Variants in PLB1 observed in about 807,000 individuals in gnomAD.
The protein encoded by PLB1 is phospholipase B1.
A neutral mutation model predicts 227.4 loss-of-function variants in PLB1; 242 were observed. That is an observed-to-expected ratio of 1.06 (90% confidence interval 0.96 to 1.18). The LOEUF (loss-of-function observed/expected upper bound fraction) is 1.18. Among genes scored for constraint, PLB1 ranks in the 50% most tolerant of loss-of-function variants. The probability of loss-of-function intolerance (pLI) is 0.00; values close to 1 mark genes in which losing one functional copy is unlikely to be tolerated. For synonymous variants in PLB1, 757 were observed against 682.2 expected (o/e 1.11, Z -1.71); for missense variants, 1,858 against 1,816.3 (o/e 1.02, Z -0.42).
At chr2:28,581,487 AAATAAATAAATAAATAAATAAAT>A (rs1385098147) in intron 23 of PLB1, among the ~76,000 whole-genome samples, 2 of 37,608 alleles carry the variant, frequency 5.3e-5, no homozygotes, top group Admixed American at 4.0e-4. Context: ...CCACGCAAAA[AAATAAATAAATAAATAAATAAAT>A]AAATAAATAA....
At chr2:28,638,633 C>T (rs993272541) in intron 56 of PLB1, among the ~76,000 whole-genome samples, 2 of 151,604 alleles carry the variant, frequency 1.3e-5, no homozygotes, top group Non-Finnish European at 1.5e-5. Flanking sequence ...GGAAGAGGAA[C>T]AAAGGATGAC....
At chr2:28,640,526 A>AAAT (rs536852987) in intron 56 of PLB1, among the ~76,000 whole-genome samples, 5 of 152,316 alleles carry the variant, frequency 3.3e-5, no homozygotes, top group East Asian at 3.9e-4. Context: ...AGAAGTTGGT[A>AAAT]AATAGGATTG....
chr2:28,603,094 C>A (rs925727114), intron 39 of PLB1, among the ~76,000 whole-genome samples, 173 bp downstream of exon 39: 3 of 152,248 alleles, frequency 2.0e-5, no homozygotes, highest in African/African-American at 7.2e-5. Flanking sequence ...CATGACTCCC[C>A]TGTTACCCAA....
intron 12 of PLB1, 97 bp from the exon 13 acceptor site, chr2:28,541,610 C>G (rs1273347209): frequency 5.8e-6 from 5 of 860,094 alleles, no homozygotes; most frequent in African/African-American, 1.7e-5. Context: ...AGAGGCAGAT[C>G]CTGTCCCAGG....
chr2:28,632,898 G>C, intron 55 of PLB1, 46 bp from the exon 56 acceptor site: 4 of 1,410,504 alleles, frequency 2.8e-6, no homozygotes, highest in Non-Finnish European at 4.0e-6. Context: ...GGCTCAGGTA[G>C]CAGAGCCCTT....
At chr2:28,589,082 T>C (rs887017400) in intron 26 of PLB1, among the ~76,000 whole-genome samples, 2 of 151,982 alleles carry the variant, frequency 1.3e-5, no homozygotes, top group Non-Finnish European at 2.9e-5. Context: ...GGGGAATCGC[T>C]TGAACCCGGG....
chr2:28,609,253 A>T (rs1573405657), intron 43 of PLB1, among the ~76,000 whole-genome samples: 1 of 151,338 alleles, frequency 6.6e-6, no homozygotes, highest in African/African-American at 2.4e-5. Context: ...ACATCCTCTC[A>T]CTCTGAGACT....
chr2:28,549,911 T>C, intron 15 of PLB1, 99 bp from the exon 16 acceptor site: 2 of 954,938 alleles, frequency 2.1e-6, no homozygotes, highest in Non-Finnish European at 3.3e-6. Context: ...GATGTGAATG[T>C]TCCTAGTTGG....
chr2:28,626,512 G>C lies in PLB1; in HGVS notation c.3660+4G>C, dbSNP rs1558950128. 2.5e-6 allele frequency: 4 copies of C among 1,613,314 alleles called. No individual in the cohort carries two copies. The African/African-American group carries it at 4.0e-5, about 16-fold the overall frequency. On this transcript the variant is annotated splice_donor_region_variant and intron_variant, in intron 51 of 57. Coordinates refer to ENST00000327757, the MANE Select transcript of PLB1 (RefSeq NM_153021.5). The stretch of plus-strand genomic sequence containing the variant: ...GTGTCATTACTGTGAGAATCCGGTA[G>C]GCCCCCGACCAACCCCATGGGGACC...
rs544545187 is a variant in PLB1 at position 28,640,917 on chromosome 2, C to G, written c.4099-10C>G. 28 of 1,612,410 alleles carry G rather than the reference C, an allele frequency of 1.7e-5. No individual in the cohort carries two copies. In the South Asian group the frequency reaches 2.6e-4, roughly 15 times the overall value. ...TGGAGAGAATCGAGGTGTCCTTTCT[C>G]TCTCTCCAGCTGGAACCAGTGGGCC... is the stretch of plus-strand genomic sequence containing the variant. On this transcript the variant is annotated splice_polypyrimidine_tract_variant and intron_variant, in intron 56 of 57. Transcript: ENST00000327757.
At chr2:28,628,215 A>G (rs1166782951) in intron 51 of PLB1, among the ~76,000 whole-genome samples, 5 of 152,202 alleles carry the variant, frequency 3.3e-5, no homozygotes, top group Admixed American at 3.3e-4. Flanking sequence ...CACCCAGGGC[A>G]TGGCAAGGGG....
chr2:28,544,612 C>T (rs560054723), intron 14 of PLB1, among the ~76,000 whole-genome samples: 28 of 152,274 alleles, frequency 1.8e-4, no homozygotes, highest in African/African-American at 6.3e-4. Context: ...CCCAGAGGAA[C>T]GAGAGTCAAA....
chr2:28,642,758 G>A, intron 57 of PLB1, 100 bp from the exon 58 acceptor site: 2 of 1,048,226 alleles, frequency 1.9e-6, no homozygotes, highest in Middle Eastern at 2.1e-4. Flanking sequence ...AACGTGCAGG[G>A]TTATCGCAGC....
At chr2:28,496,606 A>G (rs935949579) in intron 1 of PLB1, among the ~76,000 whole-genome samples, 1 of 152,200 alleles carries the variant, frequency 6.6e-6, no homozygotes, top group South Asian at 2.1e-4. Flanking sequence ...TGAAGGACAA[A>G]GGAAGACAGA....
At chr2:28,589,368 CTG>C in intron 26 of PLB1, 80 bp from the exon 27 acceptor site, 1 of 1,032,610 alleles carries the variant, frequency 9.7e-7, no homozygotes, top group East Asian at 2.4e-5. Context: ...CTGTTTAATT[CTG>C]TGTTGGAGAA....
rs190853292 is a variant in PLB1, at chr2:28,630,253, G to A, written c.3819-333G>A. Among the ~76,000 whole-genome samples, 413 of 152,282 alleles carry A rather than the reference G, an allele frequency of 2.7e-3. 1 individual carries two copies. Among genetic ancestry groups the A allele is most frequent in the African/African-American group, 9.4e-3 (390 of 41,550 alleles). On this transcript the variant is annotated intron_variant, in intron 53 of 57. Coordinates refer to ENST00000327757, the MANE Select transcript of PLB1 (RefSeq NM_153021.5). ...TCTCCTGTCTACCCAGTCCTGCTCT[G>A]GAGAAATCCCAGGGACCACAGGCTT...
intron 1 of PLB1, among the ~76,000 whole-genome samples, chr2:28,500,388 C>G: frequency 6.6e-6 from 1 of 152,156 alleles, no homozygotes; most frequent in Non-Finnish European, 1.5e-5. Context: ...GTGAAGGTAC[C>G]TGCCCCATGT....
chr2:28,587,724 T>G (rs1282285854), intron 26 of PLB1, among the ~76,000 whole-genome samples: 2 of 152,136 alleles, frequency 1.3e-5, no homozygotes, highest in East Asian at 3.8e-4. Context: ...GCAGAATGGA[T>G]GTTTTGCCAT....
intron 32 of PLB1, 81 bp from the exon 33 acceptor site, chr2:28,593,598 CCT>C: frequency 8.4e-7 from 1 of 1,197,310 alleles, no homozygotes. Context: ...TTGGGAACCC[CCT>C]CTTTGGAAGC....
Sources: allele counts gnomAD v4.1 joint callset (sites outside exome capture counted in the v4.1 genomes callset), GRCh38; gene constraint gnomAD v4.1.1; transcripts MANE v1.5; gene names NCBI Gene and HGNC (gene_info 2026-07-23, HGNC 2026-07-21).